The following RYR2 variants were observed in gnomAD, a reference collection of about 807,000 sequenced individuals.
RYR2 encodes the protein ryanodine receptor 2.
In RYR2, 227 loss-of-function variants were observed where a neutral mutation model predicts 601.1. That is an observed-to-expected ratio of 0.38 (90% confidence interval 0.34 to 0.42). RYR2 has a LOEUF of 0.42. Among genes scored for constraint, RYR2 ranks in the 10% least tolerant of loss-of-function variants. The pLI, the probability that RYR2 is intolerant of heterozygous loss-of-function variation, is 1.00. For synonymous variants in RYR2, 2,223 were observed against 2,175.1 expected (o/e 1.02, Z -0.61); for missense variants, 4,646 against 6,156.5 (o/e 0.75, Z 8.21).
chr1:237,106,732 C>G lies in RYR2; in HGVS notation c.48+64163C>G, dbSNP rs1187178612. On this transcript the variant is annotated intron_variant, in intron 1 of 104. Coordinates refer to ENST00000366574, the MANE Select transcript of RYR2 (RefSeq NM_001035.3). This position sits in a 1 kb window ranked among gnomAD's most constrained non-coding sequence, Gnocchi z 4.4. ...TAACAAAATGCCATGGACTGGGAGG[C>G]TTAGAAACCACAGAAATTATTCCTC... is the stretch of plus-strand genomic sequence containing the variant. Among the ~76,000 whole-genome samples, 1 of 152,160 alleles carries G rather than the reference C, an allele frequency of 6.6e-6. No individual in the cohort carries two copies. The highest frequency in any genetic ancestry group is 6.5e-5 in the Admixed American group (1 of 15,282).
chr1:237,276,604 T>C (rs1378938372), intron 2 of RYR2, among the ~76,000 whole-genome samples: 1 of 152,098 alleles, frequency 6.6e-6, no homozygotes, highest in Non-Finnish European at 1.5e-5. Flanking sequence ...TAATCAAGGA[T>C]AAAGGGAGTA....
chr1:237,342,487 C>T (rs543350126), intron 3 of RYR2, among the ~76,000 whole-genome samples: 219 of 152,164 alleles, frequency 1.4e-3, no homozygotes, highest in Middle Eastern at 0.01. Context: ...TGCAGTCACA[C>T]ATTCTGAGAA....
intron 1 of RYR2, among the ~76,000 whole-genome samples, chr1:237,257,494 C>T (rs552416901): frequency 2.0e-5 from 3 of 152,234 alleles, no homozygotes; most frequent in African/African-American, 7.2e-5. Context: ...GGAGGTAGTT[C>T]TAGAATGTAA....
intron 3 of RYR2, among the ~76,000 whole-genome samples, chr1:237,353,063 T>C (rs1698995941): frequency 6.6e-6 from 1 of 152,230 alleles, no homozygotes; most frequent in Admixed American, 6.5e-5. Flanking sequence ...ATTTGTTTTC[T>C]AGTATGTAAA....
chr1:237,829,378 G>T (rs2102935853), intron 102 of RYR2, among the ~76,000 whole-genome samples: 1 of 152,282 alleles, frequency 6.6e-6, no homozygotes, highest in Admixed American at 6.5e-5. Flanking sequence ...AGTACTGCCT[G>T]AATCCATCTA....
Position 237,614,760 on chromosome 1 carries a change from G to T in RYR2, c.5632G>T (p.Ala1878Ser). 6.2e-7 allele frequency: 1 copy of T among 1,613,258 alleles called. No homozygotes were observed. ...TGTGGACGATGCAAAGCTGCAAGGA[G>T]CTGGTGAGGAAGAAGCCAAGGGGGG... is the stretch of plus-strand genomic sequence containing the variant. Reference protein sequence around the residue: ...LSVDDAKLQGAGEEEAKGGKR... With the variant: ...LSVDDAKLQGSGEEEAKGGKR... Residue 1878 changes from alanine to serine, a missense_variant, in exon 37 of 105, where the codon GCT becomes TCT. By Grantham distance (99) the Ala-to-Ser change is moderately conservative. Around this residue, in one of 17 missense-constraint regions of RYR2, gnomAD observed 1,807 missense variants for 2,088.1 expected, o/e 0.87. Coordinates refer to ENST00000366574, the MANE Select transcript of RYR2 (RefSeq NM_001035.3). This position sits in a 1 kb window ranked among gnomAD's most constrained non-coding sequence, Gnocchi z 4.3.
At chr1:237,477,288 G>A (rs1661521623) in intron 17 of RYR2, among the ~76,000 whole-genome samples, 1 of 152,154 alleles carries the variant, frequency 6.6e-6, no homozygotes, top group Admixed American at 6.5e-5. Context: ...CTACTCAGGA[G>A]GCTGAGGCAG....
At chr1:237,529,347 T>C (rs1667890669) in intron 24 of RYR2, among the ~76,000 whole-genome samples, 1 of 152,142 alleles carries the variant, frequency 6.6e-6, no homozygotes, top group South Asian at 2.1e-4. Flanking sequence ...TTATTTTAAT[T>C]TTTTCATATA....
rs1262001748 is a variant in RYR2, at chr1:237,742,323, G to A, written c.11119G>A (p.Gly3707Ser). 2.6e-6 allele frequency: 4 copies of A among 1,565,336 alleles called. No individual in the cohort carries two copies. Among genetic ancestry groups the A allele is most frequent in the Middle Eastern group, 1.7e-4 (1 of 5,836 alleles). The stretch of plus-strand genomic sequence containing the variant: ...TTGTCATGATGAGGAAGATGACGAT[G>A]GTGAAGAGGAAGTGAAGAGTTTTGA... ...KSCHDEEDDD[G>S]EEEVKSFEEK... is the part of the protein sequence containing the mutation. The change falls in exon 80 of 105, where the codon GGT (glycine) becomes AGT (serine). Residue 3707 changes from glycine (G) to serine (S), a missense_variant. By Grantham distance (56) the Gly-to-Ser change is moderately conservative. Coordinates refer to ENST00000366574, the MANE Select transcript of RYR2 (RefSeq NM_001035.3).
chr1:237,234,704 T>C (rs957058950), intron 1 of RYR2, among the ~76,000 whole-genome samples: 2 of 152,164 alleles, frequency 1.3e-5, no homozygotes, highest in African/African-American at 4.8e-5. Context: ...TTAGAAAATA[T>C]TTGTAGATAG....
intron 48 of RYR2, among the ~76,000 whole-genome samples, chr1:237,647,993 T>C (rs1682349937): frequency 6.6e-6 from 1 of 152,238 alleles, no homozygotes; most frequent in Non-Finnish European, 1.5e-5. Flanking sequence ...CATTTCATCA[T>C]TTCGTTATTG....
At chr1:237,471,485 C>T (rs143183089) in intron 17 of RYR2, among the ~76,000 whole-genome samples, 1 of 152,310 alleles carries the variant, frequency 6.6e-6, no homozygotes, top group East Asian at 1.9e-4. Context: ...TCCAGAATCA[C>T]TGGAAAGCTA....
At chr1:237,241,118 G>C (rs1686115158) in intron 1 of RYR2, among the ~76,000 whole-genome samples, 1 of 152,176 alleles carries the variant, frequency 6.6e-6, no homozygotes, top group Non-Finnish European at 1.5e-5. Flanking sequence ...AGCCAGTAAT[G>C]AGGAGAGAAG....
rs144724048 is a variant in RYR2 at position 237,758,635 on chromosome 1, T to C, written c.11325+859T>C. 1.2e-4 allele frequency among the ~76,000 whole-genome samples: 18 copies of C among 152,348 alleles called. No homozygotes were observed. The East Asian group carries it at 3.5e-3, about 29-fold the overall frequency. On this transcript the variant is annotated intron_variant, in intron 82 of 104. Coordinates refer to ENST00000366574, the MANE Select transcript of RYR2 (RefSeq NM_001035.3). ...TATTTAGTTTGTATTGCCTTCGCTA[T>C]CTGAAAAAGATTACTACTAAAATTT... is the stretch of plus-strand genomic sequence containing the variant.
At position 237,371,150 on chromosome 1, in the gene RYR2, A is replaced by G; in HGVS notation, c.384+1542A>G. On this transcript the variant is annotated intron_variant, in intron 6 of 104. Transcript: ENST00000366574. Reference sequence around the variant, plus strand: ...AACATAATTGAGATGTTACTACGTTACCAAATTTATATCATTTTGTTTTTT... The same window carrying G: ...AACATAATTGAGATGTTACTACGTTGCCAAATTTATATCATTTTGTTTTTT... Among the ~76,000 whole-genome samples the G allele has an allele frequency of 1.3e-5, 2 of 151,428 alleles. 1 individual carries two copies. The highest frequency in any genetic ancestry group is 2.9e-5 in the Non-Finnish European group (2 of 67,862).
In RYR2 at chr1:237,819,338, CA is replaced by C. The variant is rs1345300403; in HGVS notation, c.14590+148del. On this transcript the variant is annotated intron_variant, in intron 101 of 104. Transcript: ENST00000366574. This position sits in a 1 kb window ranked among gnomAD's most constrained non-coding sequence, Gnocchi z 4.0. Reference sequence around the variant, plus strand: ...TTCCTTCCAGTATTTCTTCATCATGCAATCTACCGGGGGAAATATAAAGCGG... The same window carrying C: ...TTCCTTCCAGTATTTCTTCATCATGCATCTACCGGGGGAAATATAAAGCGG... 4.0e-6 allele frequency: 3 copies of C among 742,036 alleles called. No individual in the cohort carries two copies. The African/African-American group carries it at 5.2e-5, about 13-fold the overall frequency. The allele number at this position is 742,036 out of a possible 1,614,324, so 46.0% of individuals were successfully genotyped here.
chr1:237,670,115 C>T (rs865862718), intron 58 of RYR2, among the ~76,000 whole-genome samples: 6 of 151,976 alleles, frequency 3.9e-5, no homozygotes, highest in Non-Finnish European at 8.8e-5. Context: ...AGCGAAACCC[C>T]GTCTCCACCA....
chr1:237,644,157 A>G (rs1352657590), intron 48 of RYR2, among the ~76,000 whole-genome samples: 1 of 152,160 alleles, frequency 6.6e-6, no homozygotes, highest in East Asian at 1.9e-4. Flanking sequence ...CTTTTCTATT[A>G]AAAGCACTGA....
chr1:237,832,301 C>A (rs1056768060), intron 104 of RYR2, among the ~76,000 whole-genome samples: 4 of 151,990 alleles, frequency 2.6e-5, no homozygotes, highest in African/African-American at 9.7e-5. Context: ...ATCCTCCCAC[C>A]TCAGCCTCCC....
Sources: allele counts gnomAD v4.1 joint callset (sites outside exome capture counted in the v4.1 genomes callset), GRCh38; gene constraint gnomAD v4.1.1; regional missense constraint gnomAD v4.1.1; non-coding constraint Gnocchi (gnomAD v3.1); transcripts MANE v1.5; gene names NCBI Gene and HGNC (gene_info 2026-07-23, HGNC 2026-07-21).